The following STS variants were observed in gnomAD, a reference collection of about 807,000 sequenced individuals.
STS encodes steroid sulfatase, also known as steryl-sulfatase.
A neutral mutation model predicts 26.8 loss-of-function variants in STS; 7 were observed. That is an observed-to-expected ratio of 0.26 (90% CI 0.15 to 0.49). STS has a LOEUF of 0.49. Ranked by LOEUF, STS falls within the 20% of genes least tolerant of loss-of-function variation. STS has a pLI of 0.98. For missense variants in STS, 434 were observed against 465.6 expected (o/e 0.93, Z 0.63); for synonymous variants, 199 against 189.4 (o/e 1.05, Z -0.42).
chrX:7,150,604 C>A (rs1259559622), intron 1 of STS, among the ~76,000 whole-genome samples: 1 of 112,201 alleles, frequency 8.9e-6, no homozygotes, highest in Non-Finnish European at 1.9e-5. Flanking sequence ...GTGGAAGAGA[C>A]AGATTGGGAA....
chrX:7,164,356 G>C (rs1012209732), intron 1 of STS, among the ~76,000 whole-genome samples: 6 of 111,883 alleles, frequency 5.4e-5, no homozygotes, highest in African/African-American at 2.0e-4. Context: ...ACCCGATGGT[G>C]CTGTTGTTTT....
intron 2 of STS, among the ~76,000 whole-genome samples, chrX:7,193,043 A>G (rs12686985): frequency 0.25 from 28,215 of 111,838 alleles, 2,781 homozygotes; most frequent in Admixed American, 0.41. Context: ...AGAATTAAAG[A>G]GAACAAAAGG....
In STS at chrX:7,205,023, C is replaced by T. The variant is rs147419034; in HGVS notation, c.-5+14015C>T. ...GCCCCACATGGCCCTAGGCCAGGTGCTTCTGTTGCCTGTTGTTGTACACAC... is the reference window on the plus strand; with the variant it reads ...GCCCCACATGGCCCTAGGCCAGGTGTTTCTGTTGCCTGTTGTTGTACACAC... On this transcript the variant is annotated intron_variant, in intron 2 of 10. Coordinates refer to ENST00000674429, the MANE Select transcript of STS (RefSeq NM_001320752.2). Among the ~76,000 whole-genome samples, 68 of 112,028 alleles carry T rather than the reference C, an allele frequency of 6.1e-4. 1 individual carries two copies. In the East Asian group the frequency reaches 0.014, roughly 23 times the overall value.
In STS at chrX:7,152,561, C is replaced by T. The variant is rs373457339; in HGVS notation, c.-134+4478C>T. Among the ~76,000 whole-genome samples the T allele has an allele frequency of 2.8e-4, 32 of 112,315 alleles. 2 individuals carry two copies. The highest frequency in any genetic ancestry group is 2.1e-3 in the Admixed American group (22 of 10,658). ...CTCAAACTCCTGACCTCAAGTAATC[C>T]GCCCGCCTTGGCCTTCCAAAGTGCT... is the stretch of plus-strand genomic sequence containing the variant. On this transcript the variant is annotated intron_variant, in intron 1 of 10. Transcript: ENST00000674429.
intron 9 of STS, among the ~76,000 whole-genome samples, chrX:7,332,013 A>G (rs1390156431): frequency 9.0e-6 from 1 of 111,572 alleles, no homozygotes; most frequent in Non-Finnish European, 1.9e-5. Flanking sequence ...GTAAGAAAAA[A>G]TAATTATAAG....
chrX:7,161,990 A>G (rs1476889600), intron 1 of STS, among the ~76,000 whole-genome samples: 1 of 112,068 alleles, frequency 8.9e-6, no homozygotes. Context: ...AGTGCATGAA[A>G]AAAAGATAAT....
At chrX:7,296,198 A>C (rs1925653592) in intron 7 of STS, among the ~76,000 whole-genome samples, 1 of 111,664 alleles carries the variant, frequency 9.0e-6, no homozygotes, top group Non-Finnish European at 1.9e-5. Context: ...AGAGCTTTGC[A>C]TTGACTTCTG....
At chrX:7,287,224 A>G (rs1464913227) in intron 7 of STS, among the ~76,000 whole-genome samples, 1 of 111,210 alleles carries the variant, frequency 9.0e-6, no homozygotes, top group Non-Finnish European at 1.9e-5. Flanking sequence ...AGCATGTCAC[A>G]TACCACTTTG....
chrX:7,305,534 T>G (rs1404490798), intron 8 of STS, among the ~76,000 whole-genome samples: 4 of 112,367 alleles, frequency 3.6e-5, no homozygotes, highest in African/African-American at 1.3e-4. Flanking sequence ...AAAACAAATT[T>G]ATGAACTTAC....
intron 7 of STS, among the ~76,000 whole-genome samples, chrX:7,296,620 G>A (rs186582773): frequency 1.8e-5 from 2 of 112,145 alleles, no homozygotes; most frequent in Non-Finnish European, 3.8e-5. Flanking sequence ...GTTCTTCCCC[G>A]CACCTTTTCC....
chrX:7,265,023 T>G (rs1474369849), intron 6 of STS, among the ~76,000 whole-genome samples: 1 of 12,648 alleles, frequency 7.9e-5, no homozygotes, highest in Admixed American at 5.2e-4. Context: ...TTTTATTCTG[T>G]TTTTTTTTTT....
rs369228957 is a variant in STS at position 7,314,891 on chromosome X, C to T, written c.1081+9708C>T. 5.4e-5 allele frequency among the ~76,000 whole-genome samples: 6 copies of T among 112,140 alleles called. No homozygotes were observed. The East Asian group carries it at 1.7e-3, about 32-fold the overall frequency. ...CTGTGAGGGCAGGGAGTGGGCATAG[C>T]TCATGCTTATGGGCTCATTTTCTTT... On this transcript the variant is annotated intron_variant, in intron 8 of 10. Coordinates refer to ENST00000674429, the MANE Select transcript of STS (RefSeq NM_001320752.2).
intron 6 of STS, among the ~76,000 whole-genome samples, chrX:7,269,980 A>C (rs1279831225): frequency 8.9e-6 from 1 of 112,052 alleles, no homozygotes; most frequent in Non-Finnish European, 1.9e-5. Context: ...GCAGACAGAA[A>C]AAAAATGCCT....
chrX:7,293,774 A>G (rs1569215580), intron 7 of STS, among the ~76,000 whole-genome samples: 1 of 111,524 alleles, frequency 9.0e-6, no homozygotes, highest in African/African-American at 3.3e-5. Context: ...GTAAATCTGC[A>G]TTTGTGACAA....
chrX:7,184,456 C>T, intron 1 of STS, among the ~76,000 whole-genome samples: 1 of 112,331 alleles, frequency 8.9e-6, no homozygotes, highest in Non-Finnish European at 1.9e-5. Context: ...AAATTTACTC[C>T]TGCAAGACAG....
Position 7,148,065 on chromosome X carries a change from C to T in STS, c.-152C>T. 8.8e-7 allele frequency: 1 copy of T among 1,138,633 alleles called. No homozygotes were observed. Among genetic ancestry groups the T allele is most frequent in the Non-Finnish European group, 1.2e-6 (1 of 857,501 alleles). 93.8% of individuals were successfully genotyped at this position (1,138,633 alleles called of 1,213,427 possible). On this transcript the variant is annotated 5_prime_UTR_variant, in exon 1 of 11. Transcript: ENST00000674429. The stretch of plus-strand genomic sequence containing the variant: ...GCACACTACCCACCCAGAAGAAGTC[C>T]GTCCATGTCAAAGATGAGGTGGGTG...
rs759538143 is a variant in STS at position 7,259,430 on chromosome X, A to G, written c.464A>G (p.Tyr155Cys). 24 of 1,211,160 alleles carry G rather than the reference A, an allele frequency of 2.0e-5. No homozygotes were observed. In the East Asian group the frequency reaches 3.8e-4, roughly 19 times the overall value. ...TTACATCACGGCTTCAATTATTTCT[A>G]TGGGATCTCTTTGACCAATCTGAGA... ...HPLHHGFNYF[Y>C]GISLTNLRDC... Residue 155 changes from tyrosine to cysteine, a missense_variant, in exon 6 of 11, where the codon TAT (tyrosine) becomes TGT (cysteine). Transcript: ENST00000674429.
chrX:7,221,969 G>A (rs1175632583), intron 2 of STS, among the ~76,000 whole-genome samples: 7 of 111,408 alleles, frequency 6.3e-5, no homozygotes, highest in Admixed American at 5.7e-4. Flanking sequence ...CTTTTGGGAG[G>A]TGAAGAGGTT....
intron 6 of STS, among the ~76,000 whole-genome samples, chrX:7,274,191 T>C (rs745806037): frequency 9.0e-6 from 1 of 111,280 alleles, no homozygotes; most frequent in South Asian, 3.8e-4. Context: ...AAATCTGAAG[T>C]GTAGTTATTT....
Sources: gnomAD v4.1 joint callset for allele counts (sites outside exome capture counted in the v4.1 genomes callset) on GRCh38, gnomAD v4.1.1 for gene constraint, MANE v1.5 for transcripts, NCBI Gene and HGNC (gene_info 2026-07-23, HGNC 2026-07-21) for gene names.